FOXP1: variants seen among roughly 807,000 people sequenced by gnomAD.
The protein encoded by FOXP1 is forkhead box protein P1.
A neutral mutation model predicts 98.2 loss-of-function variants in FOXP1; 15 were observed. The observed-to-expected ratio is 0.15, with a 90% confidence interval of 0.10 to 0.24. The LOEUF (loss-of-function observed/expected upper bound fraction) is 0.24. Ranked by LOEUF, FOXP1 falls within the 10% of genes least tolerant of loss-of-function variation. FOXP1 has a pLI of 1.00. For missense variants in FOXP1, 633 were observed against 848.5 expected, an observed-to-expected ratio of 0.75 and a Z score of 3.15; for synonymous variants, 371 against 314.5, an observed-to-expected ratio of 1.18 and a Z score of -1.90.
chr3:71,583,462 TTTC>T (rs1255601381), intron 1 of FOXP1, 106 bp downstream of exon 1: 21 of 979,326 alleles, frequency 2.1e-5, no homozygotes, highest in African/African-American at 7.2e-5. Context: ...TTTTTCTTTC[TTTC>T]TTTTTTTTTT....
At chr3:71,058,959 T>C (rs555849344) in intron 7 of FOXP1, among the ~76,000 whole-genome samples, 1 of 152,278 alleles carries the variant, frequency 6.6e-6, no homozygotes, top group African/African-American at 2.4e-5. Context: ...TTCTGCTTTT[T>C]GTATAACTCC....
At chr3:71,470,374 A>G (rs2089213555) in intron 3 of FOXP1, among the ~76,000 whole-genome samples, 3 of 152,232 alleles carry the variant, frequency 2.0e-5, no homozygotes, top group African/African-American at 7.2e-5. Flanking sequence ...GTGTGTTACT[A>G]TTATTGTTGT....
At chr3:71,451,180 T>C (rs1045564664) in intron 3 of FOXP1, among the ~76,000 whole-genome samples, 3 of 152,224 alleles carry the variant, frequency 2.0e-5, no homozygotes, top group Non-Finnish European at 4.4e-5. Context: ...GTGGTTGGGC[T>C]GTGTTACGCA....
intron 3 of FOXP1, among the ~76,000 whole-genome samples, chr3:71,470,913 G>T (rs2089280401): frequency 1.3e-5 from 2 of 152,224 alleles, no homozygotes; most frequent in African/African-American, 4.8e-5. Flanking sequence ...ACGTGACCAT[G>T]AGTCTGTGCC....
chr3:71,187,292 A>G (rs76260260), intron 6 of FOXP1, among the ~76,000 whole-genome samples: 397 of 152,300 alleles, frequency 2.6e-3, no homozygotes, highest in Non-Finnish European at 4.3e-3. Flanking sequence ...CTGTCCCAAG[A>G]ACCTATTAAT....
chr3:71,000,788 G>A (rs1010409589), intron 13 of FOXP1, among the ~76,000 whole-genome samples, 184 bp downstream of exon 13: 1 of 69,284 alleles, frequency 1.4e-5, no homozygotes, highest in African/African-American at 1.1e-4. Context: ...CCTGCCCAAA[G>A]AGGTAAAAAA....
rs375783643 is a variant in FOXP1, at chr3:71,496,738, CG to C, written c.-297-3184del. 2.8e-3 allele frequency among the ~76,000 whole-genome samples: 419 copies of C among 151,936 alleles called. 1 individual carries two copies. Among genetic ancestry groups the C allele is most frequent in the African/African-American group, 9.8e-3 (405 of 41,420 alleles). ...AGAAGAATCGCTTGATCCAGGGAGT[CG>C]GAAGTTGCAGTGAGCTGAGATTGCG... On this transcript the variant is annotated intron_variant, in intron 2 of 20. Transcript: ENST00000649528.
chr3:71,157,980 G>A (rs968108250), intron 6 of FOXP1, among the ~76,000 whole-genome samples: 2 of 151,434 alleles, frequency 1.3e-5, no homozygotes, highest in Non-Finnish European at 2.9e-5. Flanking sequence ...CCCAGCTACT[G>A]GGGAGGCTGA....
intron 13 of FOXP1, among the ~76,000 whole-genome samples, chr3:70,997,134 T>C (rs1350056261): frequency 2.0e-5 from 3 of 151,832 alleles, no homozygotes; most frequent in Non-Finnish European, 4.4e-5. Flanking sequence ...CTAAAGGAGG[T>C]GATGCACCAG....
chr3:71,366,573 T>C (rs1020351234), intron 3 of FOXP1, among the ~76,000 whole-genome samples: 2 of 152,212 alleles, frequency 1.3e-5, no homozygotes, highest in Non-Finnish European at 2.9e-5. Flanking sequence ...TTGTATTCTC[T>C]AGATTTTCCA....
At chr3:71,070,244 C>T (rs2053050846) in intron 7 of FOXP1, among the ~76,000 whole-genome samples, 2 of 152,228 alleles carry the variant, frequency 1.3e-5, no homozygotes, top group South Asian at 2.1e-4. Context: ...AATGCACATT[C>T]GTCTACTCTA....
intron 2 of FOXP1, among the ~76,000 whole-genome samples, chr3:71,497,353 T>A (rs2091491558): frequency 6.6e-6 from 1 of 152,122 alleles, no homozygotes; most frequent in South Asian, 2.1e-4. Flanking sequence ...CAGGAGAAAG[T>A]TTTTTGATTT....
intron 2 of FOXP1, among the ~76,000 whole-genome samples, chr3:71,528,607 G>A (rs1264104579): frequency 6.6e-6 from 1 of 152,124 alleles, no homozygotes; most frequent in Non-Finnish European, 1.5e-5. Flanking sequence ...TTAGTGATGC[G>A]GAGTCATTTA....
intron 7 of FOXP1, among the ~76,000 whole-genome samples, chr3:71,071,842 C>T (rs1180313504): frequency 6.6e-6 from 1 of 152,168 alleles, no homozygotes; most frequent in African/African-American, 2.4e-5. Context: ...TCCCAAGGTG[C>T]TGGGATTACA....
intron 4 of FOXP1, among the ~76,000 whole-genome samples, chr3:71,326,724 T>TAGGAG (rs1381640820): frequency 2.0e-5 from 3 of 152,140 alleles, no homozygotes; most frequent in Non-Finnish European, 4.4e-5. Flanking sequence ...GGGTAAATAT[T>TAGGAG]TTTTTAAAGC....
intron 6 of FOXP1, among the ~76,000 whole-genome samples, chr3:71,132,082 G>T (rs1469123000): frequency 6.6e-6 from 1 of 152,206 alleles, no homozygotes; most frequent in Non-Finnish European, 1.5e-5. Flanking sequence ...GAAAAAGGCA[G>T]ACTCTTACCT....
chr3:71,152,520 G>C (rs1395757787), intron 6 of FOXP1, among the ~76,000 whole-genome samples: 2 of 152,162 alleles, frequency 1.3e-5, no homozygotes, highest in East Asian at 3.9e-4. Flanking sequence ...CCAGAGGTGG[G>C]CTGAGCCCCA....
chr3:71,279,626 A>G (rs971641268), intron 5 of FOXP1, among the ~76,000 whole-genome samples: 8 of 152,342 alleles, frequency 5.3e-5, no homozygotes, highest in African/African-American at 1.7e-4. Flanking sequence ...TTTTGTATAC[A>G]ATCTCGTGTA....
intron 3 of FOXP1, among the ~76,000 whole-genome samples, chr3:71,492,960 C>T (rs988976248): frequency 2.0e-5 from 3 of 152,094 alleles, no homozygotes; most frequent in African/African-American, 7.2e-5. Context: ...CTTTGAAAAT[C>T]CCAAGTTTCC....
Sources: gnomAD v4.1 joint callset for allele counts (sites outside exome capture counted in the v4.1 genomes callset) on GRCh38, gnomAD v4.1.1 for gene constraint, MANE v1.5 for transcripts, NCBI Gene and HGNC (gene_info 2026-07-23, HGNC 2026-07-21) for gene names.